The following ZNF438 variants were observed in gnomAD, a reference collection of about 807,000 sequenced individuals.
ZNF438 encodes the protein zinc finger protein 438.
Under a neutral mutation model 38.0 loss-of-function variants are expected in ZNF438, and 25 were observed. The observed-to-expected ratio is 0.66, with a 90% CI of 0.48 to 0.92. ZNF438 has a LOEUF of 0.92. Ranked by LOEUF, ZNF438 falls within the 40% of genes least tolerant of loss-of-function variation. The pLI, the probability that ZNF438 is intolerant of heterozygous loss-of-function variation, is 0.00. For synonymous variants in ZNF438, 372 were observed against 364.1 expected, an observed-to-expected ratio of 1.02 and a Z score of -0.25; for missense variants, 1,007 against 999.6, an observed-to-expected ratio of 1.01 and a Z score of -0.10.
intron 1 of ZNF438, among the ~76,000 whole-genome samples, chr10:31,005,109 T>C (rs1042965379): frequency 2.0e-5 from 3 of 152,134 alleles, no homozygotes; most frequent in African/African-American, 7.2e-5. Context: ...CTCCAGTGGG[T>C]AGATATCCAA....
chr10:30,986,322 G>A (rs1420348654), intron 1 of ZNF438, among the ~76,000 whole-genome samples: 1 of 152,062 alleles, frequency 6.6e-6, no homozygotes, highest in Admixed American at 6.6e-5. Flanking sequence ...GCACTTAGGC[G>A]CAATATACAG....
intron 2 of ZNF438, among the ~76,000 whole-genome samples, chr10:30,935,060 T>G (rs1042649747): frequency 2.6e-5 from 4 of 152,246 alleles, no homozygotes; most frequent in Admixed American, 1.3e-4. Flanking sequence ...TAAACATCTC[T>G]GAAAGTTCTA....
rs563189482 is a variant in ZNF438, at chr10:31,010,892, G to GAA, written c.-192+20939_-192+20940dup. 2.0e-3 allele frequency among the ~76,000 whole-genome samples: 182 copies of GAA among 92,584 alleles called. 3 individuals carry two copies. The highest frequency in any genetic ancestry group is 6.8e-3 in the African/African-American group (128 of 18,708). 60.7% of individuals were successfully genotyped at this position (92,584 alleles called of 152,430 possible). ...TGGATAACGAAGTGAGACCCTGTTT[G>GAA]AAAAAAAAAAAAAAAAAAAAAAAAA... On this transcript the variant is annotated intron_variant, in intron 1 of 5. Transcript: ENST00000413025.
At chr10:30,872,254 CCT>C (rs1177416538) in intron 4 of ZNF438, among the ~76,000 whole-genome samples, 1 of 151,412 alleles carries the variant, frequency 6.6e-6, no homozygotes, top group East Asian at 1.9e-4. Flanking sequence ...GGTAAAATCC[CCT>C]CTCTACTAAA....
intron 4 of ZNF438, among the ~76,000 whole-genome samples, chr10:30,858,924 G>A (rs2035130647): frequency 6.6e-6 from 1 of 152,142 alleles, no homozygotes. Context: ...CGCAGGGAAG[G>A]AAATTCTCAT....
At chr10:30,916,274 A>G (rs2043622713) in intron 2 of ZNF438, among the ~76,000 whole-genome samples, 1 of 152,082 alleles carries the variant, frequency 6.6e-6, no homozygotes, top group Non-Finnish European at 1.5e-5. Context: ...TATTTTGCAT[A>G]TCGTATTATT....
At chr10:30,892,582 C>CAA (rs201287314) in intron 3 of ZNF438, among the ~76,000 whole-genome samples, 1,775 of 138,342 alleles carry the variant, frequency 0.013, 40 homozygotes, top group African/African-American at 0.045. Context: ...AATACCAGTC[C>CAA]AAAAAAAAAA....
intron 1 of ZNF438, among the ~76,000 whole-genome samples, chr10:31,022,123 C>T (rs959900554): frequency 6.6e-5 from 10 of 152,266 alleles, no homozygotes; most frequent in Admixed American, 1.3e-4. Flanking sequence ...GGATTTTATA[C>T]GACAACTGGC....
exon 6 of ZNF438, chr10:30,845,192 C>T: frequency 1.2e-6 from 2 of 1,614,194 alleles, no homozygotes; most frequent in Non-Finnish European, 1.7e-6. Flanking sequence ...TTTCCCTTGG[C>T]TTGTTGGTTC....
chr10:30,853,062 G>A (rs571696719), intron 4 of ZNF438, among the ~76,000 whole-genome samples: 14 of 152,062 alleles, frequency 9.2e-5, no homozygotes, highest in African/African-American at 3.1e-4. Flanking sequence ...ATTATTGATG[G>A]CTTTTGGTTA....
intron 1 of ZNF438, among the ~76,000 whole-genome samples, chr10:30,966,127 T>A (rs74385740): frequency 0.08 from 12,065 of 151,520 alleles, 573 homozygotes; most frequent in Non-Finnish European, 0.11. Context: ...AGAACAGGAG[T>A]TCTAGACAAG....
chr10:30,948,874 C>T lies in ZNF438; in HGVS notation c.-191-7223G>A, dbSNP rs1016252013. Among the ~76,000 whole-genome samples, 1,159 of 151,390 alleles carry T rather than the reference C, an allele frequency of 7.7e-3. 18 individuals are homozygous for T. Among genetic ancestry groups the T allele is most frequent in the African/African-American group, 0.027 (1,115 of 41,284 alleles). On this transcript the variant is annotated intron_variant, in intron 1 of 5. Coordinates refer to ENST00000413025, the Ensembl canonical transcript of ZNF438. ...TCCCCAATCTAGCAAGGCAGGCCAACGTTCAGATTCAGGAAATACAGAGAA... is the reference window on the plus strand; with the variant it reads ...TCCCCAATCTAGCAAGGCAGGCCAATGTTCAGATTCAGGAAATACAGAGAA...
chr10:30,910,634 C>G (rs1054850408), intron 2 of ZNF438, among the ~76,000 whole-genome samples: 7 of 150,500 alleles, frequency 4.7e-5, no homozygotes, highest in Non-Finnish European at 1.0e-4. Context: ...TGATATAGCA[C>G]CCCTTTAAAG....
chr10:30,901,740 T>G (rs978353034), intron 3 of ZNF438, among the ~76,000 whole-genome samples: 3 of 151,480 alleles, frequency 2.0e-5, no homozygotes, highest in Non-Finnish European at 4.4e-5. Context: ...CCGCAATTGG[T>G]GGGTTCTTGG....
rs77209405 is a variant in ZNF438, at chr10:30,954,693, A to C, written c.-191-13042T>G. On this transcript the variant is annotated intron_variant, in intron 1 of 5. Transcript: ENST00000413025. ...TGAAAGAAAAAAAATGCCTCTCTAA[A>C]ATAAATGTGGGTGGGCCTCTGATTA... Among the ~76,000 whole-genome samples the C allele has an allele frequency of 2.2e-3, 340 of 152,368 alleles. 3 individuals are homozygous for C. The highest frequency in any genetic ancestry group is 7.4e-3 in the African/African-American group (308 of 41,592).
chr10:30,951,791 G>C lies in ZNF438; in HGVS notation c.-191-10140C>G, dbSNP rs991030785. Among the ~76,000 whole-genome samples, 378 of 149,210 alleles carry C rather than the reference G, an allele frequency of 2.5e-3. 3 individuals are homozygous for C. The highest frequency in any genetic ancestry group is 8.6e-3 in the African/African-American group (355 of 41,252). On this transcript the variant is annotated intron_variant, in intron 1 of 5. Coordinates refer to ENST00000413025, the Ensembl canonical transcript of ZNF438. ...AAGAACATTCCATGCTCATGTGTAG[G>C]AAGAATCAATACCATGAAAATGGCC...
At chr10:31,032,037 G>T (rs1002131333), upstream of ZNF438, 1 of 152,154 alleles carries the variant, frequency 6.6e-6, no homozygotes, top group Non-Finnish European at 1.5e-5. Context: ...AGGCGCAGAC[G>T]GCCTCTGCGC....
chr10:30,900,689 G>A (rs1037936258), intron 3 of ZNF438, among the ~76,000 whole-genome samples: 2 of 152,222 alleles, frequency 1.3e-5, no homozygotes, highest in African/African-American at 4.8e-5. Context: ...ATGTGGAGCT[G>A]AGGTTTGAAG....
At chr10:30,871,595 C>T (rs1193450160) in intron 4 of ZNF438, among the ~76,000 whole-genome samples, 1 of 152,152 alleles carries the variant, frequency 6.6e-6, no homozygotes, top group African/African-American at 2.4e-5. Flanking sequence ...GTATGCCTTA[C>T]TTGAGTTCTA....
Sources: gnomAD v4.1 joint callset for allele counts (sites outside exome capture counted in the v4.1 genomes callset) on GRCh38, gnomAD v4.1.1 for gene constraint, MANE v1.5 for transcripts, NCBI Gene and HGNC (gene_info 2026-07-23, HGNC 2026-07-21) for gene names.